Variants in CACNA1C observed in about 807,000 individuals in gnomAD.
The protein encoded by CACNA1C is calcium voltage-gated channel subunit alpha1 C, also known as voltage-dependent L-type calcium channel subunit alpha-1C.
Under a neutral mutation model 229.0 loss-of-function variants are expected in CACNA1C, and 30 were observed. That is an observed-to-expected ratio of 0.13 (90% CI 0.10 to 0.18). CACNA1C has a LOEUF of 0.18. Among genes scored for constraint, CACNA1C ranks in the 10% least tolerant of loss-of-function variants. The probability of loss-of-function intolerance (pLI) is 1.00; values close to 1 mark genes in which losing one functional copy is unlikely to be tolerated. For synonymous variants in CACNA1C, 1,114 were observed against 1,132.5 expected, an observed-to-expected ratio of 0.98 and a Z score of 0.33; for missense variants, 1,658 against 2,845.0, an observed-to-expected ratio of 0.58 and a Z score of 9.49.
At chr12:2,090,134 T>TA (rs1461861233) in intron 1 of CACNA1C, among the ~76,000 whole-genome samples, 2 of 152,196 alleles carry the variant, frequency 1.3e-5, no homozygotes, top group Non-Finnish European at 2.9e-5. Flanking sequence ...TCTCTGTTTT[T>TA]ATGCATTTGA....
At chr12:2,270,167 T>G (rs1177649795) in intron 3 of CACNA1C, among the ~76,000 whole-genome samples, 1 of 152,152 alleles carries the variant, frequency 6.6e-6, no homozygotes, top group Non-Finnish European at 1.5e-5. Context: ...GTAATATTTG[T>G]CTTGTTTAGC....
intron 3 of CACNA1C, among the ~76,000 whole-genome samples, chr12:2,248,957 C>G (rs1057099571): frequency 6.6e-5 from 10 of 152,198 alleles, no homozygotes; most frequent in Non-Finnish European, 1.5e-4. Flanking sequence ...TGGCACCGTG[C>G]CTGGCGTAAA....
chr12:2,674,388 GA>G, intron 38 of CACNA1C, 152 bp from the exon 39 acceptor site: 1 of 1,113,516 alleles, frequency 9.0e-7, no homozygotes, highest in Non-Finnish European at 1.2e-6. Flanking sequence ...TGGAAAATGG[GA>G]AGACTGGGGA....
chr12:2,466,495 G>C (rs900711041), intron 5 of CACNA1C, among the ~76,000 whole-genome samples: 1 of 152,200 alleles, frequency 6.6e-6, no homozygotes, highest in Non-Finnish European at 1.5e-5. Context: ...ACATATCTTG[G>C]AGTCCCAGAG....
chr12:2,537,370 A>C (rs1459812727), intron 9 of CACNA1C, among the ~76,000 whole-genome samples: 1 of 152,204 alleles, frequency 6.6e-6, no homozygotes, highest in African/African-American at 2.4e-5. Flanking sequence ...GGGGACATCT[A>C]ATGCCTCCCT....
intron 10 of CACNA1C, among the ~76,000 whole-genome samples, chr12:2,552,346 G>A (rs1374070760): frequency 6.6e-6 from 1 of 152,210 alleles, no homozygotes; most frequent in African/African-American, 2.4e-5. Context: ...GTGTTATGAA[G>A]GAAAAGTAAG....
At position 2,243,339 on chromosome 12, in the gene CACNA1C, A is replaced by G. The variant is rs114925493; in HGVS notation, c.477+122909A>G. On this transcript the variant is annotated intron_variant, in intron 3 of 46. Coordinates refer to ENST00000399655, the MANE Select transcript of CACNA1C (RefSeq NM_000719.7). Reference sequence around the variant, plus strand: ...AATTGCTGATGAATTGAATCATAGGAAAGTGGAGATGCCACCTGAGAGAGA... The same window carrying G: ...AATTGCTGATGAATTGAATCATAGGGAAGTGGAGATGCCACCTGAGAGAGA... Among the ~76,000 whole-genome samples, 1,362 of 152,294 alleles carry G rather than the reference A, an allele frequency of 8.9e-3. 21 individuals carry two copies. Among genetic ancestry groups the G allele is most frequent in the African/African-American group, 0.031 (1,295 of 41,554 alleles).
chr12:2,244,794 A>G (rs1295004078), intron 3 of CACNA1C, among the ~76,000 whole-genome samples: 1 of 152,252 alleles, frequency 6.6e-6, no homozygotes, highest in Non-Finnish European at 1.5e-5. Flanking sequence ...GGCTGTAAAT[A>G]TCAAGTTTAA....
At chr12:2,140,779 G>A (rs897024969) in intron 3 of CACNA1C, among the ~76,000 whole-genome samples, 6 of 151,390 alleles carry the variant, frequency 4.0e-5, no homozygotes, top group Non-Finnish European at 8.9e-5. Flanking sequence ...CAAGATGTGC[G>A]GAAACAAGGG....
At chr12:2,140,578 T>C (rs776882146) in intron 3 of CACNA1C, among the ~76,000 whole-genome samples, 8 of 151,348 alleles carry the variant, frequency 5.3e-5, no homozygotes, top group Non-Finnish European at 1.0e-4. Flanking sequence ...TTGCTTCTCT[T>C]GACCTCTGTT....
At chr12:2,211,289 A>G (rs2097910570) in intron 3 of CACNA1C, among the ~76,000 whole-genome samples, 1 of 152,214 alleles carries the variant, frequency 6.6e-6, no homozygotes, top group African/African-American at 2.4e-5. Context: ...CACAGTAACC[A>G]TGTTCCAGCA....
At chr12:2,092,077 C>T (rs990415477) in intron 1 of CACNA1C, among the ~76,000 whole-genome samples, 2 of 152,138 alleles carry the variant, frequency 1.3e-5, no homozygotes, top group East Asian at 1.9e-4. Context: ...TATGGAGAGA[C>T]TGAGGCTGCC....
intron 18 of CACNA1C, among the ~76,000 whole-genome samples, chr12:2,589,457 A>G (rs1484962136): frequency 1.3e-5 from 2 of 152,262 alleles, no homozygotes; most frequent in African/African-American, 2.4e-5. Flanking sequence ...CCCTGAGTGC[A>G]GAGTCTCTTA....
intron 3 of CACNA1C, among the ~76,000 whole-genome samples, chr12:2,353,487 G>C (rs985026699): frequency 6.6e-5 from 10 of 152,248 alleles, no homozygotes; most frequent in African/African-American, 2.2e-4. Flanking sequence ...AGAGCACTTA[G>C]TTTGCCTCTT....
At chr12:2,010,399 A>AG (rs1044244567) in intron 1 of CACNA1C, among the ~76,000 whole-genome samples, 4 of 147,074 alleles carry the variant, frequency 2.7e-5, no homozygotes, top group Middle Eastern at 3.2e-3. Context: ...GACATCTACC[A>AG]GGGGGGGCTT....
intron 1 of CACNA1C, among the ~76,000 whole-genome samples, chr12:1,995,876 C>CCCTGGG (rs764513293): frequency 8.5e-5 from 13 of 152,260 alleles, no homozygotes; most frequent in Middle Eastern, 3.4e-3. Flanking sequence ...CCATCTCCAG[C>CCCTGGG]CCTGCCCTTA....
In CACNA1C at chr12:2,067,258, C is replaced by T. The variant is rs2154521339; in HGVS notation, c.49+13647C>T. 6.6e-6 allele frequency among the ~76,000 whole-genome samples: 1 copy of T among 152,136 alleles called. No individual in the cohort carries two copies. The highest frequency in any genetic ancestry group is 2.1e-4 in the South Asian group (1 of 4,818). Reference sequence around the variant, plus strand: ...AGTGGGAGTCAGGGAGTCTGAATCCCCCAGCCTGCCTCCATCCCAGGTGGA... The same window carrying T: ...AGTGGGAGTCAGGGAGTCTGAATCCTCCAGCCTGCCTCCATCCCAGGTGGA... On this transcript the variant is annotated intron_variant, in intron 1 of 46. Coordinates refer to ENST00000399655, the MANE Select transcript of CACNA1C (RefSeq NM_000719.7). This position sits in a 1 kb window ranked among gnomAD's most constrained non-coding sequence, Gnocchi z 5.3.
rs76092333 is a variant in CACNA1C at position 2,594,846 on chromosome 12, T to A, written c.2664-1028T>A. Among the ~76,000 whole-genome samples the A allele has an allele frequency of 1.1e-3, 171 of 152,222 alleles. 2 individuals carry two copies. In the East Asian group the frequency reaches 0.03, roughly 27 times the overall value. ...CTTTCTTCCAGATGCCCCTTGGAGG[T>A]GTTGGCTTGGCCTAAAATTCCCAGG... On this transcript the variant is annotated intron_variant, in intron 19 of 46. Coordinates refer to ENST00000399655, the MANE Select transcript of CACNA1C (RefSeq NM_000719.7).
intron 6 of CACNA1C, among the ~76,000 whole-genome samples, chr12:2,492,857 T>C (rs2099739075): frequency 6.6e-6 from 1 of 152,230 alleles, no homozygotes; most frequent in African/African-American, 2.4e-5. Flanking sequence ...ATCATCATTA[T>C]TTTTTGATTG....
Sources: gnomAD v4.1 joint callset for allele counts (sites outside exome capture counted in the v4.1 genomes callset) on GRCh38, gnomAD v4.1.1 for gene constraint, Gnocchi (gnomAD v3.1) non-coding constraint, MANE v1.5 for transcripts, NCBI Gene and HGNC (gene_info 2026-07-23, HGNC 2026-07-21) for gene names.